The following FAM53B variants were observed in gnomAD, a reference collection of about 807,000 sequenced individuals.
The protein encoded by FAM53B is protein FAM53B.
A neutral mutation model predicts 32.7 loss-of-function variants in FAM53B; 12 were observed. The observed-to-expected ratio is 0.37, with a 90% confidence interval of 0.24 to 0.59. FAM53B has a LOEUF of 0.59. Ranked by LOEUF, FAM53B falls within the 20% of genes least tolerant of loss-of-function variation. The pLI is 0.72. For missense variants in FAM53B, 477 were observed against 577.7 expected, an observed-to-expected ratio of 0.83 and a Z score of 1.79; for synonymous variants, 234 against 228.7, an observed-to-expected ratio of 1.02 and a Z score of -0.21.
chr10:124,714,124 G>A (rs1463060600), intron 1 of FAM53B: 1 of 152,104 alleles, frequency 6.6e-6, no homozygotes. Flanking sequence ...GCCGAATGCT[G>A]CAGTCAAGCT....
At chr10:124,673,750 C>G (rs1412506317) in intron 4 of FAM53B, among the ~76,000 whole-genome samples, 2 of 152,214 alleles carry the variant, frequency 1.3e-5, no homozygotes, top group African/African-American at 4.8e-5. Flanking sequence ...TCTGCTGCCC[C>G]CACAAGCCCC....
intron 4 of FAM53B, among the ~76,000 whole-genome samples, chr10:124,652,427 T>C (rs993325385): frequency 2.0e-5 from 3 of 152,164 alleles, no homozygotes; most frequent in Non-Finnish European, 4.4e-5. Flanking sequence ...GAGGAGGCTG[T>C]GGCCACAGCC....
chr10:124,702,861 T>C (rs796793405), intron 2 of FAM53B, among the ~76,000 whole-genome samples: 59 of 152,210 alleles, frequency 3.9e-4, no homozygotes, highest in African/African-American at 1.4e-3. Flanking sequence ...CTTGGTGGCC[T>C]CCCCATGGTG....
At chr10:124,630,353 G>A (rs1949382451) in intron 4 of FAM53B, among the ~76,000 whole-genome samples, 3 of 152,226 alleles carry the variant, frequency 2.0e-5, no homozygotes, top group East Asian at 1.9e-4. Flanking sequence ...GGCAGAGGTC[G>A]CAGTGAGCCG....
intron 4 of FAM53B, 144 bp from the exon 5 acceptor site, chr10:124,623,748 C>T: frequency 1.1e-6 from 1 of 876,370 alleles, no homozygotes; most frequent in East Asian, 2.8e-5. Context: ...CAAGGACGGG[C>T]CCATGAGCAA....
At chr10:124,642,514 A>G (rs1386577094) in intron 4 of FAM53B, among the ~76,000 whole-genome samples, 1 of 152,224 alleles carries the variant, frequency 6.6e-6, no homozygotes, top group Non-Finnish European at 1.5e-5. Context: ...GTGGCCCAAC[A>G]GGCAGATGGG....
intron 4 of FAM53B, among the ~76,000 whole-genome samples, chr10:124,654,022 A>G (rs1327945076): frequency 1.3e-5 from 2 of 152,198 alleles, no homozygotes; most frequent in Non-Finnish European, 2.9e-5. Context: ...GTTGCTGAGG[A>G]CGCAGGGAGG....
chr10:124,651,196 C>T lies in FAM53B; in HGVS notation c.907-27592G>A, dbSNP rs1050689118. 4.6e-5 allele frequency among the ~76,000 whole-genome samples: 7 copies of T among 152,236 alleles called. No homozygotes were observed. Among genetic ancestry groups the T allele is most frequent in the African/African-American group, 1.7e-4 (7 of 41,462 alleles). On this transcript the variant is annotated intron_variant, in intron 4 of 4. Coordinates refer to ENST00000337318, the MANE Select transcript of FAM53B (RefSeq NM_014661.4). The surrounding 1 kb of genome is among the most constrained non-coding windows in gnomAD (Gnocchi z 5.2). ...CCCTTTGTGCCACAGGGAGACAGAG[C>T]CAGGTGGCCACCACCTTGCCCTCAG...
At chr10:124,661,158 G>A (rs1445121476) in intron 4 of FAM53B, among the ~76,000 whole-genome samples, 1 of 151,770 alleles carries the variant, frequency 6.6e-6, no homozygotes. Flanking sequence ...ACTCCTGGAA[G>A]ACATGGCCAT....
At chr10:124,723,534 A>AT (rs1950083103) in intron 1 of FAM53B, among the ~76,000 whole-genome samples, 1 of 152,240 alleles carries the variant, frequency 6.6e-6, no homozygotes, top group Non-Finnish European at 1.5e-5. Context: ...GAAAACACTC[A>AT]TCAGAGTTTC....
At chr10:124,726,074 A>G (rs769241384) in intron 1 of FAM53B, among the ~76,000 whole-genome samples, 5 of 152,210 alleles carry the variant, frequency 3.3e-5, no homozygotes, top group Non-Finnish European at 7.3e-5. Context: ...GACAAACTGC[A>G]TGAGGGTGGG....
chr10:124,714,495 T>G (rs1421350740), intron 1 of FAM53B, among the ~76,000 whole-genome samples: 1 of 152,046 alleles, frequency 6.6e-6, no homozygotes, highest in African/African-American at 2.4e-5. Context: ...GCGTGGTGGC[T>G]CACGCCTGTA....
At chr10:124,725,568 T>C (rs774214755) in intron 1 of FAM53B, among the ~76,000 whole-genome samples, 2 of 152,288 alleles carry the variant, frequency 1.3e-5, no homozygotes, top group Non-Finnish European at 2.9e-5. Context: ...TCGACCCAAA[T>C]GCGGCCTGTC....
intron 2 of FAM53B, among the ~76,000 whole-genome samples, chr10:124,704,768 T>C (rs1949940249): frequency 6.6e-6 from 1 of 152,172 alleles, no homozygotes; most frequent in Non-Finnish European, 1.5e-5. Context: ...TGGAAGCTGC[T>C]ACACAGAGAA....
At chr10:124,702,182 C>A (rs574210275) in intron 2 of FAM53B, among the ~76,000 whole-genome samples, 10 of 152,358 alleles carry the variant, frequency 6.6e-5, no homozygotes, top group African/African-American at 1.9e-4. Flanking sequence ...ATGCTGATAC[C>A]AGTCCCGGCC....
At chr10:124,663,005 G>A (rs901117148) in intron 4 of FAM53B, among the ~76,000 whole-genome samples, 4 of 152,196 alleles carry the variant, frequency 2.6e-5, no homozygotes, top group Non-Finnish European at 5.9e-5. Flanking sequence ...GTCTCACACA[G>A]AGCAGGAACG....
At chr10:124,681,547 C>G in intron 4 of FAM53B, 60 bp downstream of exon 4, 1 of 1,451,350 alleles carries the variant, frequency 6.9e-7, no homozygotes, top group Non-Finnish European at 9.2e-7. Flanking sequence ...CTAGGACGGC[C>G]CAGAACCAGC....
chr10:124,625,639 C>A (rs542012227), intron 4 of FAM53B, among the ~76,000 whole-genome samples: 2 of 152,338 alleles, frequency 1.3e-5, no homozygotes, highest in South Asian at 2.1e-4. Flanking sequence ...GCGAACCTGC[C>A]GCTTGTGAGG....
chr10:124,686,622 T>A (rs1187813013), intron 3 of FAM53B, among the ~76,000 whole-genome samples: 1 of 152,214 alleles, frequency 6.6e-6, no homozygotes, highest in Non-Finnish European at 1.5e-5. Context: ...TAATTACTGA[T>A]CTGCGTACAC....
Sources: gnomAD v4.1 joint callset for allele counts (sites outside exome capture counted in the v4.1 genomes callset) on GRCh38, gnomAD v4.1.1 for gene constraint, Gnocchi (gnomAD v3.1) non-coding constraint, MANE v1.5 for transcripts, NCBI Gene and HGNC (gene_info 2026-07-23, HGNC 2026-07-21) for gene names.